DLGAP4: variants seen among roughly 807,000 people sequenced by gnomAD.
DLGAP4 encodes the protein disks large-associated protein 4.
In DLGAP4, 18 loss-of-function variants were observed where a neutral mutation model predicts 86.9. The ratio of observed to expected loss-of-function variants is 0.21; its 90% CI spans 0.14 to 0.31. The LOEUF is 0.31. Among genes scored for constraint, DLGAP4 ranks in the 10% least tolerant of loss-of-function variants. The pLI is 1.00. For synonymous variants in DLGAP4, 548 were observed against 574.3 expected (o/e 0.95, Z 0.65); for missense variants, 1,085 against 1,362.6 (o/e 0.80, Z 3.21).
In DLGAP4 at chr20:36,464,754, G is replaced by A. The variant is rs367709634; in HGVS notation, c.1648+17817G>A. 1.1e-4 allele frequency among the ~76,000 whole-genome samples: 17 copies of A among 152,142 alleles called. No homozygotes were observed. The East Asian group carries it at 3.3e-3, about 29-fold the overall frequency. On this transcript the variant is annotated intron_variant, in intron 7 of 12. Transcript: ENST00000339266. ...AATCCCAGCTACTTGGGAGGCTGAC[G>A]CAGGAGAATCATTTGAACCTGGGAA...
chr20:36,454,801 C>T (rs2033837632), intron 7 of DLGAP4, among the ~76,000 whole-genome samples: 1 of 152,214 alleles, frequency 6.6e-6, no homozygotes, highest in Admixed American at 6.5e-5. Context: ...GAGCCCCTCT[C>T]AAGCAGGGCG....
chr20:36,413,413 CTTTTTTTTTTT>C (rs71184094), intron 2 of DLGAP4, among the ~76,000 whole-genome samples: 5 of 71,010 alleles, frequency 7.0e-5, no homozygotes, highest in Non-Finnish European at 1.2e-4. Context: ...TTGTTCTGGA[CTTTTTTTTTTT>C]TTTTTTTTTT....
chr20:36,424,497 C>CAAAGT (rs1370520580), intron 2 of DLGAP4, among the ~76,000 whole-genome samples: 5 of 152,198 alleles, frequency 3.3e-5, no homozygotes, highest in Non-Finnish European at 7.3e-5. Flanking sequence ...GGTGAGGCAT[C>CAAAGT]TCCCTTTGGC....
chr20:36,353,656 A>G (rs1455087450), intron 1 of DLGAP4, among the ~76,000 whole-genome samples: 5 of 152,222 alleles, frequency 3.3e-5, no homozygotes, highest in African/African-American at 1.2e-4. Context: ...CCTGGTCACA[A>G]GAGTTGGAAC....
rs868993870 is a variant in DLGAP4 at position 36,355,238 on chromosome 20, T to C, written c.-303-11807T>C. Among the ~76,000 whole-genome samples the C allele has an allele frequency of 2.2e-4, 34 of 152,264 alleles. 1 individual carries two copies. Among genetic ancestry groups the C allele is most frequent in the Middle Eastern group, 3.4e-3 (1 of 294 alleles). On this transcript the variant is annotated intron_variant, in intron 1 of 12. Coordinates refer to ENST00000339266, the MANE Select transcript of DLGAP4 (RefSeq NM_001365621.2). ...AGACATATAACATGTAGTCTTCACG[T>C]CTAGCTTCATTCACTCAGCATAATG...
chr20:36,491,386 C>T (rs988478195), intron 7 of DLGAP4, among the ~76,000 whole-genome samples: 5 of 152,100 alleles, frequency 3.3e-5, no homozygotes, highest in African/African-American at 9.7e-5. Flanking sequence ...GAGGATGCAT[C>T]GCACAACTGG....
chr20:36,362,856 C>G (rs1411978015), intron 1 of DLGAP4, among the ~76,000 whole-genome samples: 1 of 152,158 alleles, frequency 6.6e-6, no homozygotes, highest in African/African-American at 2.4e-5. Context: ...AGCAGACACA[C>G]AGGTCACACT....
intron 7 of DLGAP4, among the ~76,000 whole-genome samples, chr20:36,490,060 G>T (rs1181965934): frequency 6.6e-6 from 1 of 151,864 alleles, no homozygotes; most frequent in Non-Finnish European, 1.5e-5. Context: ...GTTACCCTGT[G>T]TTGGCCAGGC....
At chr20:36,385,450 C>G (rs6124516) in intron 2 of DLGAP4, among the ~76,000 whole-genome samples, 1 of 152,092 alleles carries the variant, frequency 6.6e-6, no homozygotes, top group Non-Finnish European at 1.5e-5. Context: ...AGACTGCCCC[C>G]TACACACACC....
chr20:36,496,903 C>T lies in DLGAP4; in HGVS notation c.1847C>T (p.Thr616Ile). 1 of 1,614,196 alleles carries T rather than the reference C, an allele frequency of 6.2e-7. No homozygotes were observed. The highest frequency in any genetic ancestry group is 1.1e-5 in the South Asian group (1 of 91,080). The change falls in exon 8 of 13, where the codon ACC becomes ATC. Residue 616 changes from threonine (T) to isoleucine (I), a missense_variant. Physicochemically the swap from Thr to Ile is moderately conservative, Grantham distance 89. This residue lies in a region of DLGAP4 where 1,082 missense variants were observed against 1,344.1 expected (regional missense o/e 0.81). Coordinates refer to ENST00000339266, the MANE Select transcript of DLGAP4 (RefSeq NM_001365621.2). ...SNSSDSLDSSTRPPSVTRGGV... is the reference protein window; with the variant it reads ...SNSSDSLDSSIRPPSVTRGGV... ...TCGTCGGACAGCCTGGACAGCAGTA[C>T]CCGACCGCCCAGCGTGACACGGGGT...
chr20:36,460,273 CT>C (rs2033989205), intron 7 of DLGAP4, among the ~76,000 whole-genome samples: 2 of 152,282 alleles, frequency 1.3e-5, no homozygotes, highest in South Asian at 4.1e-4. Flanking sequence ...CAAGACCAGC[CT>C]GAGCAACAGA....
intron 2 of DLGAP4, among the ~76,000 whole-genome samples, chr20:36,426,191 C>T (rs1284790391): frequency 6.6e-6 from 1 of 152,070 alleles, no homozygotes; most frequent in Non-Finnish European, 1.5e-5. Flanking sequence ...TTAGCATAGG[C>T]AAATTCAGAG....
intron 1 of DLGAP4, among the ~76,000 whole-genome samples, chr20:36,310,180 A>AAAAG (rs1161085107): frequency 5.9e-4 from 73 of 124,174 alleles, no homozygotes; most frequent in African/African-American, 2.4e-3. Context: ...CAAAAAAAAA[A>AAAAG]AAAGAAAGAA....
intron 2 of DLGAP4, among the ~76,000 whole-genome samples, chr20:36,378,448 TG>T (rs1447689113): frequency 4.6e-5 from 7 of 152,194 alleles, no homozygotes; most frequent in Non-Finnish European, 1.0e-4. Flanking sequence ...TAAATGTTAA[TG>T]TTTTTTCCCT....
At chr20:36,364,123 T>C (rs2030609143) in intron 1 of DLGAP4, among the ~76,000 whole-genome samples, 1 of 152,122 alleles carries the variant, frequency 6.6e-6, no homozygotes, top group South Asian at 2.1e-4. Flanking sequence ...ATAATTGAGA[T>C]ATAGAAGCTG....
At chr20:36,502,193 TCA>T (rs1363601892) in intron 10 of DLGAP4, among the ~76,000 whole-genome samples, 1 of 152,214 alleles carries the variant, frequency 6.6e-6, no homozygotes, top group Non-Finnish European at 1.5e-5. Context: ...TAAATAGTAA[TCA>T]GTGTTTCTGT....
intron 4 of DLGAP4, 25 bp downstream of exon 4, chr20:36,436,375 G>A (rs1356998172): frequency 3.8e-6 from 6 of 1,565,532 alleles, no homozygotes; most frequent in African/African-American, 1.4e-5. Flanking sequence ...CCACCCTTAC[G>A]GTCCCGCCCA....
At chr20:36,439,299 T>C (rs2033377527) in intron 4 of DLGAP4, among the ~76,000 whole-genome samples, 1 of 152,128 alleles carries the variant, frequency 6.6e-6, no homozygotes, top group Admixed American at 6.6e-5. Flanking sequence ...TGGATTCCAA[T>C]CCAAACCCTT....
At chr20:36,394,350 ACTGCCCTGCGACT>A (rs780464751) in intron 2 of DLGAP4, among the ~76,000 whole-genome samples, 21 of 152,122 alleles carry the variant, frequency 1.4e-4, no homozygotes, top group Non-Finnish European at 2.5e-4. Context: ...TGCTTGGGCC[ACTGCCCTGCGACT>A]CTGCCCTGCG....
Sources: allele counts gnomAD v4.1 joint callset (sites outside exome capture counted in the v4.1 genomes callset), GRCh38; gene constraint gnomAD v4.1.1; regional missense constraint gnomAD v4.1.1; transcripts MANE v1.5; gene names NCBI Gene and HGNC (gene_info 2026-07-23, HGNC 2026-07-21).